The following UBE2V1 variants were observed in gnomAD, a reference collection of about 807,000 sequenced individuals.
UBE2V1 encodes the protein ubiquitin-conjugating enzyme E2 variant 1.
In UBE2V1, 15 loss-of-function variants were observed where a neutral mutation model predicts 19.6. The ratio of observed to expected loss-of-function variants is 0.77; its 90% CI spans 0.51 to 1.18. UBE2V1 has a LOEUF of 1.18. UBE2V1 is among the 50% of genes most tolerant of loss of function. The probability of loss-of-function intolerance (pLI) is 0.00; values close to 1 mark genes in which losing one functional copy is unlikely to be tolerated. For missense variants in UBE2V1, 125 were observed against 184.8 expected (o/e 0.68, Z 1.88); for synonymous variants, 60 against 60.7 (o/e 0.99, Z 0.05).
intron 2 of UBE2V1, among the ~76,000 whole-genome samples, chr20:50,089,570 C>A (rs1407526817): frequency 6.6e-6 from 1 of 152,172 alleles, no homozygotes; most frequent in Non-Finnish European, 1.5e-5. Context: ...AGAGTCCCAG[C>A]CCCAGCATCC....
At chr20:50,107,412 G>A (rs1569018481) in intron 1 of UBE2V1, among the ~76,000 whole-genome samples, 1 of 152,180 alleles carries the variant, frequency 6.6e-6, no homozygotes, top group Non-Finnish European at 1.5e-5. Context: ...AACAGCTAGT[G>A]ACAGAATGCA....
At chr20:50,105,964 A>G (rs944888504) in intron 1 of UBE2V1, among the ~76,000 whole-genome samples, 1 of 148,898 alleles carries the variant, frequency 6.7e-6, no homozygotes, top group Non-Finnish European at 1.5e-5. Flanking sequence ...CAAAAAACAA[A>G]CAAACAAAAG....
chr20:50,110,691 C>G (rs1177144750), intron 1 of UBE2V1, among the ~76,000 whole-genome samples: 2 of 152,250 alleles, frequency 1.3e-5, no homozygotes. Flanking sequence ...CAAATATTTA[C>G]TGAATGCCTA....
chr20:50,092,179 G>A (rs572198363), intron 2 of UBE2V1, among the ~76,000 whole-genome samples: 2 of 152,170 alleles, frequency 1.3e-5, no homozygotes, highest in African/African-American at 2.4e-5. Flanking sequence ...AAAATTAGCC[G>A]GGTGTGGTGG....
In UBE2V1 at chr20:50,113,095, GC is replaced by G. The variant is rs1485142302; in HGVS notation, c.22+11del. On this transcript the variant is annotated intron_variant, in intron 1 of 3. Transcript: ENST00000371674. ...GCCCCCTCGGCCGGCCGGGCCCGGC[GC>G]CCCCGCTCACCCGAGCCCGTGGTGG... The G allele has an allele frequency of 2.3e-6, 3 of 1,277,498 alleles. No homozygotes were observed. The highest frequency in any genetic ancestry group is 2.0e-6 in the Non-Finnish European group (2 of 980,794). 79.1% of individuals were successfully genotyped at this position (1,277,498 alleles called of 1,614,324 possible). A position where few individuals can be genotyped will look rare whatever the true frequency, so the allele number is the denominator to read the frequency against.
At chr20:50,115,662 G>A, upstream of UBE2V1, 1 of 1,296,478 alleles carries the variant, frequency 7.7e-7, no homozygotes, top group Admixed American at 3.5e-5. Flanking sequence ...CTTGGGCACA[G>A]GGAAGAGGAA....
At chr20:50,097,473 C>T (rs1463746093) in intron 1 of UBE2V1, among the ~76,000 whole-genome samples, 3 of 152,206 alleles carry the variant, frequency 2.0e-5, no homozygotes, top group Non-Finnish European at 4.4e-5. Flanking sequence ...CATGAAAACA[C>T]CTCACAGGTT....
intron 2 of UBE2V1, chr20:50,084,505 G>A (rs1436068533): frequency 1.6e-6 from 1 of 623,780 alleles, no homozygotes; most frequent in South Asian, 1.5e-5. Flanking sequence ...TTAGTATTAA[G>A]TCTAATCAGA....
intron 1 of UBE2V1, among the ~76,000 whole-genome samples, chr20:50,108,041 G>A (rs1402910242): frequency 6.6e-6 from 1 of 152,248 alleles, no homozygotes; most frequent in East Asian, 1.9e-4. Context: ...CAAGGCGGCA[G>A]GGCCTTGTGG....
chr20:50,109,769 G>C (rs1295204031), intron 1 of UBE2V1, among the ~76,000 whole-genome samples: 2 of 129,034 alleles, frequency 1.5e-5, no homozygotes, highest in East Asian at 4.5e-4. Context: ...AAAAAAAAAA[G>C]CTTGCACTAG....
chr20:50,086,836 G>C lies in UBE2V1; in HGVS notation c.172-2582C>G, dbSNP rs1286115937. On this transcript the variant is annotated intron_variant, in intron 2 of 3. Coordinates refer to ENST00000371674, the MANE Select transcript of UBE2V1 (RefSeq NM_001032288.3). ...CTCACGCCTGTAATCCCAGCACTTC[G>C]GGAAGCCGAGACAGGCGGATCACAA... 2.0e-5 allele frequency among the ~76,000 whole-genome samples: 3 copies of C among 152,322 alleles called. No individual in the cohort carries two copies. The East Asian group carries it at 5.8e-4, about 29-fold the overall frequency.
At chr20:50,111,650 G>C in intron 1 of UBE2V1, 1 of 953,228 alleles carries the variant, frequency 1.0e-6, no homozygotes, top group Non-Finnish European at 1.3e-6. Context: ...GCAGCAGCTT[G>C]TGGTGGGTCA....
intron 2 of UBE2V1, among the ~76,000 whole-genome samples, chr20:50,093,987 C>CAAAAAAAAAAAAAAAAAAA (rs60174191): frequency 1.8e-5 from 1 of 56,306 alleles, no homozygotes; most frequent in Non-Finnish European, 3.3e-5. Flanking sequence ...GACTCCAACT[C>CAAAAAAAAAAAAAAAAAAA]AAAAAAAAAA....
chr20:50,105,183 T>G (rs1232273211), intron 1 of UBE2V1, among the ~76,000 whole-genome samples: 1 of 152,238 alleles, frequency 6.6e-6, no homozygotes, highest in African/African-American at 2.4e-5. Flanking sequence ...AAGTTACTAA[T>G]ATTTCAAACC....
intron 2 of UBE2V1, among the ~76,000 whole-genome samples, chr20:50,085,964 A>G (rs1474104031): frequency 6.6e-6 from 1 of 151,644 alleles, no homozygotes; most frequent in African/African-American, 2.4e-5. Flanking sequence ...GAGACCCCAT[A>G]TCCATCCACT....
At chr20:50,107,676 A>C (rs1476146612) in intron 1 of UBE2V1, among the ~76,000 whole-genome samples, 1 of 152,198 alleles carries the variant, frequency 6.6e-6, no homozygotes. Flanking sequence ...AAATGTATCC[A>C]TTTGGCTACA....
intron 2 of UBE2V1, among the ~76,000 whole-genome samples, chr20:50,090,602 T>G (rs1264774063): frequency 6.6e-6 from 1 of 152,014 alleles, no homozygotes; most frequent in Non-Finnish European, 1.5e-5. Context: ...ACATGGAATC[T>G]AAAAGTAGAA....
intron 2 of UBE2V1, among the ~76,000 whole-genome samples, chr20:50,085,052 G>A (rs959854745): frequency 2.6e-5 from 4 of 151,688 alleles, no homozygotes; most frequent in Non-Finnish European, 4.4e-5. Flanking sequence ...CACCATGGCC[G>A]GGTAATTTTG....
chr20:50,104,080 G>T (rs1211101792), intron 1 of UBE2V1, among the ~76,000 whole-genome samples: 1 of 151,028 alleles, frequency 6.6e-6, no homozygotes, highest in African/African-American at 2.4e-5. Flanking sequence ...TCAGGAGATC[G>T]AGATCATCCT....
Sources: allele counts gnomAD v4.1 joint callset (sites outside exome capture counted in the v4.1 genomes callset), GRCh38; gene constraint gnomAD v4.1.1; transcripts MANE v1.5; gene names NCBI Gene and HGNC (gene_info 2026-07-23, HGNC 2026-07-21).